Variants in RB1 observed in about 807,000 individuals in gnomAD.
RB1 encodes RB transcriptional corepressor 1, also known as retinoblastoma-associated protein.
Under a neutral mutation model 135.4 loss-of-function variants are expected in RB1, and 18 were observed. The observed-to-expected ratio is 0.13, with a 90% CI of 0.09 to 0.20. The LOEUF (loss-of-function observed/expected upper bound fraction) is 0.20, where lower values mean the gene tolerates loss of function less well. Ranked by LOEUF, RB1 falls within the 10% of genes least tolerant of loss-of-function variation. The probability of loss-of-function intolerance (pLI) is 1.00; values close to 1 mark genes in which losing one functional copy is unlikely to be tolerated. For synonymous variants in RB1, 365 were observed against 373.2 expected, an observed-to-expected ratio of 0.98 and a Z score of 0.25; for missense variants, 868 against 1,110.0, an observed-to-expected ratio of 0.78 and a Z score of 3.10.
chr13:48,352,523 C>T (rs1366292614), intron 6 of RB1, among the ~76,000 whole-genome samples: 2 of 152,022 alleles, frequency 1.3e-5, no homozygotes, highest in African/African-American at 4.8e-5. Context: ...TGTGTCATCT[C>T]TGATTGCTTT....
At chr13:48,342,280 T>C (rs1952451796) in intron 2 of RB1, among the ~76,000 whole-genome samples, 1 of 151,930 alleles carries the variant, frequency 6.6e-6, no homozygotes, top group Admixed American at 6.6e-5. Flanking sequence ...TAACTTAGCT[T>C]CAGTGACATT....
At chr13:48,351,679 A>AT (rs1351932338) in intron 6 of RB1, among the ~76,000 whole-genome samples, 1,821 of 142,388 alleles carry the variant, frequency 0.013, 36 homozygotes, top group African/African-American at 0.04. Flanking sequence ...TCTAGGATCT[A>AT]TTTTTTTTTT....
chr13:48,459,269 G>T (rs1000027885), intron 19 of RB1, among the ~76,000 whole-genome samples: 1 of 152,094 alleles, frequency 6.6e-6, no homozygotes, highest in African/African-American at 2.4e-5. Context: ...CACCACTAAA[G>T]AACTTATTCA....
intron 6 of RB1, among the ~76,000 whole-genome samples, chr13:48,353,589 T>G (rs777860998): frequency 2.0e-5 from 3 of 151,992 alleles, no homozygotes; most frequent in Non-Finnish European, 4.4e-5. Flanking sequence ...CTAAACTCAT[T>G]CTACAAGGCC....
chr13:48,342,448 G>A, intron 2 of RB1, 151 bp from the exon 3 acceptor site: 1 of 521,334 alleles, frequency 1.9e-6, no homozygotes, highest in Non-Finnish European at 3.4e-6. Context: ...TCAAATATAT[G>A]CCATCAGAAG....
intron 6 of RB1, among the ~76,000 whole-genome samples, chr13:48,352,981 G>C (rs574315200): frequency 6.6e-6 from 1 of 152,110 alleles, no homozygotes; most frequent in African/African-American, 2.4e-5. Flanking sequence ...TATGATGTTG[G>C]CTGTGGGTTA....
chr13:48,431,966 G>A (rs894454222), intron 17 of RB1, among the ~76,000 whole-genome samples: 7 of 152,042 alleles, frequency 4.6e-5, no homozygotes, highest in African/African-American at 1.7e-4. Context: ...TGGGAATATA[G>A]CAGTGAATAA....
At chr13:48,351,242 T>A (rs1276705502) in intron 6 of RB1, among the ~76,000 whole-genome samples, 1 of 152,200 alleles carries the variant, frequency 6.6e-6, no homozygotes, top group Non-Finnish European at 1.5e-5. Context: ...CTCACCAGTA[T>A]CTGTTATTTT....
At position 48,481,793 on chromosome 13, in the gene RB1, G is replaced by A. The variant is rs1034255519; in HGVS notation, c.*1722G>A. On this transcript the variant is annotated 3_prime_UTR_variant, in exon 27 of 27. Transcript: ENST00000267163. The stretch of plus-strand genomic sequence containing the variant: ...GATATTATTGCTTTATTGCTTTTTT[G>A]TATTGGTTAAAACTGTACATTTAAA... 4 of 227,096 alleles carry A rather than the reference G, an allele frequency of 1.8e-5. No individual in the cohort carries two copies. Among genetic ancestry groups the A allele is most frequent in the Admixed American group, 1.1e-4 (2 of 17,610 alleles). 14.1% of individuals were successfully genotyped at this position (227,096 alleles called of 1,614,324 possible).
chr13:48,397,522 T>C (rs1948658103), intron 17 of RB1, among the ~76,000 whole-genome samples: 1 of 152,084 alleles, frequency 6.6e-6, no homozygotes, highest in Non-Finnish European at 1.5e-5. Context: ...AGGGATAGCA[T>C]TAGGAAAAAT....
intron 17 of RB1, among the ~76,000 whole-genome samples, chr13:48,381,940 G>T (rs577562561): frequency 8.5e-5 from 13 of 152,176 alleles, no homozygotes; most frequent in Non-Finnish European, 1.8e-4. Context: ...GTGAGAACAT[G>T]CAGTGTTTGG....
chr13:48,431,107 C>G (rs937449824), intron 17 of RB1, among the ~76,000 whole-genome samples: 2 of 149,870 alleles, frequency 1.3e-5, no homozygotes, highest in Non-Finnish European at 3.0e-5. Flanking sequence ...AGTTAAATGA[C>G]AAATTATGGA....
intron 2 of RB1, among the ~76,000 whole-genome samples, chr13:48,331,855 A>G (rs1236620798): frequency 6.6e-6 from 1 of 152,210 alleles, no homozygotes; most frequent in Non-Finnish European, 1.5e-5. Flanking sequence ...AGTGTCTGTC[A>G]TTAGATGTAT....
At chr13:48,306,472 C>G (rs1360135996) in intron 1 of RB1, among the ~76,000 whole-genome samples, 1 of 152,118 alleles carries the variant, frequency 6.6e-6, no homozygotes, top group Non-Finnish European at 1.5e-5. Flanking sequence ...GAATAGTGGT[C>G]AAGGGCATGG....
At chr13:48,389,944 C>G (rs192092819) in intron 17 of RB1, 3 of 152,174 alleles carry the variant, frequency 2.0e-5, no homozygotes, top group African/African-American at 4.8e-5. Context: ...TGCTTGAGCC[C>G]GAGTTCAAGA....
intron 17 of RB1, among the ~76,000 whole-genome samples, chr13:48,417,806 A>C (rs1196756996): frequency 6.6e-6 from 1 of 152,226 alleles, no homozygotes; most frequent in African/African-American, 2.4e-5. Context: ...TATGAAATAA[A>C]GTGTGAAGAC....
At chr13:48,333,097 G>T in intron 2 of RB1, 1 of 398,284 alleles carries the variant, frequency 2.5e-6, no homozygotes, top group South Asian at 1.3e-4. Flanking sequence ...GATATGGAAT[G>T]ACTGATGTAA....
intron 20 of RB1, among the ~76,000 whole-genome samples, chr13:48,461,166 CT>C (rs1373558470): frequency 2.6e-5 from 4 of 152,052 alleles, no homozygotes; most frequent in Non-Finnish European, 5.9e-5. Flanking sequence ...CAGTCACCCC[CT>C]ATTCCCCTAC....
chr13:48,372,754 G>A (rs1033516136), intron 11 of RB1, among the ~76,000 whole-genome samples: 1 of 152,138 alleles, frequency 6.6e-6, no homozygotes, highest in African/African-American at 2.4e-5. Context: ...AATAGTTGAG[G>A]ATCTTTTCAG....
Sources: allele counts gnomAD v4.1 joint callset (sites outside exome capture counted in the v4.1 genomes callset), GRCh38; gene constraint gnomAD v4.1.1; transcripts MANE v1.5; gene names NCBI Gene and HGNC (gene_info 2026-07-23, HGNC 2026-07-21).